The following NRG1 variants were observed in gnomAD, a reference collection of about 807,000 sequenced individuals.
The protein encoded by NRG1 is neuregulin 1, also known as pro-neuregulin-1, membrane-bound isoform.
In NRG1, 18 loss-of-function variants were observed where a neutral mutation model predicts 63.8. The ratio of observed to expected loss-of-function variants is 0.28; its 90% CI spans 0.19 to 0.42. The LOEUF (loss-of-function observed/expected upper bound fraction) is 0.42, where lower values mean the gene tolerates loss of function less well. Ranked by LOEUF, NRG1 falls within the 10% of genes least tolerant of loss-of-function variation. NRG1 has a pLI of 1.00. For synonymous variants in NRG1, 302 were observed against 301.3 expected (o/e 1.00, Z -0.02); for missense variants, 762 against 814.7 (o/e 0.94, Z 0.79).
chr8:31,934,360 T>C (rs1477431179), intron 1 of NRG1, among the ~76,000 whole-genome samples: 4 of 151,332 alleles, frequency 2.6e-5, no homozygotes, highest in Non-Finnish European at 5.9e-5. Flanking sequence ...TGTGTGTATA[T>C]ATACATATAT....
At chr8:32,402,613 G>T (rs1377753154) in intron 1 of NRG1, among the ~76,000 whole-genome samples, 1 of 152,138 alleles carries the variant, frequency 6.6e-6, no homozygotes, top group East Asian at 1.9e-4. Context: ...GACCATGGCA[G>T]TATGGGGGTG....
At chr8:32,144,052 G>A (rs553962846) in intron 1 of NRG1, among the ~76,000 whole-genome samples, 40 of 152,346 alleles carry the variant, frequency 2.6e-4, no homozygotes, top group African/African-American at 9.4e-4. Flanking sequence ...AGAATGATGA[G>A]TCCAGTTGGA....
chr8:32,090,431 C>A (rs1828947414), intron 1 of NRG1, among the ~76,000 whole-genome samples: 1 of 152,120 alleles, frequency 6.6e-6, no homozygotes, highest in African/African-American at 2.4e-5. Flanking sequence ...AGTGATTCTC[C>A]TGCCTCAGCC....
intron 1 of NRG1, among the ~76,000 whole-genome samples, chr8:31,959,860 T>C (rs1805155802): frequency 6.6e-6 from 1 of 150,900 alleles, no homozygotes; most frequent in African/African-American, 2.4e-5. Flanking sequence ...AGTCTCACTA[T>C]GCTGCCCAGG....
intron 11 of NRG1, among the ~76,000 whole-genome samples, chr8:32,762,687 A>G (rs1251297422): frequency 6.6e-6 from 1 of 152,194 alleles, no homozygotes; most frequent in Non-Finnish European, 1.5e-5. Context: ...GTCACGTCAA[A>G]TTAGACTCTG....
At position 32,364,957 on chromosome 8, in the gene NRG1, C is replaced by CTTTTTT. The variant is rs372216683; in HGVS notation, c.38-230857_38-230852dup. On this transcript the variant is annotated intron_variant, in intron 1 of 10. Coordinates refer to the NRG1 transcript ENST00000519301. ...TGAATAAAATGTACTCCCTTTACTA[C>CTTTTTT]TTTTTTTTTTTTTTTTTTTGAGACA... is the stretch of plus-strand genomic sequence containing the variant. 6.5e-5 allele frequency among the ~76,000 whole-genome samples: 7 copies of CTTTTTT among 108,440 alleles called. 1 individual carries two copies. The highest frequency in any genetic ancestry group is 1.1e-4 in the Non-Finnish European group (6 of 55,922). The allele number at this position is 108,440 out of a possible 152,430, so 71.1% of individuals were successfully genotyped here.
intron 1 of NRG1, among the ~76,000 whole-genome samples, chr8:32,285,707 G>A (rs940422038): frequency 6.6e-6 from 1 of 152,228 alleles, no homozygotes; most frequent in South Asian, 2.1e-4. Flanking sequence ...ATGAGGTTCC[G>A]TATGCCTCAC....
intron 11 of NRG1, 37 bp from the exon 12 acceptor site, chr8:32,763,711 G>A (rs771039413): frequency 5.9e-6 from 9 of 1,514,682 alleles, no homozygotes; most frequent in South Asian, 4.0e-5. Context: ...GCCTCTTATT[G>A]CACCACACTT....
intron 1 of NRG1, among the ~76,000 whole-genome samples, chr8:32,454,891 A>C (rs1821412464): frequency 6.6e-6 from 1 of 152,090 alleles, no homozygotes; most frequent in African/African-American, 2.4e-5. Context: ...ACACATGTAT[A>C]ACATTTTTTT....
chr8:32,242,981 C>A (rs1330894883), intron 1 of NRG1, among the ~76,000 whole-genome samples: 1 of 152,130 alleles, frequency 6.6e-6, no homozygotes, highest in Non-Finnish European at 1.5e-5. Flanking sequence ...GTGTTGGCAG[C>A]TTTGGTTCCT....
Position 31,853,157 on chromosome 8 carries a change from G to C in NRG1, c.37+213726G>C, listed in dbSNP as rs191615953. On this transcript the variant is annotated intron_variant, in intron 1 of 10. Coordinates refer to the NRG1 transcript ENST00000519301. ...TTTCAATTCTGTGAAGAAAGTCATT[G>C]ATAGCTTGATGGGGATGTCATTGAA... Among the ~76,000 whole-genome samples, 800 of 152,224 alleles carry C rather than the reference G, an allele frequency of 5.3e-3. 14 individuals carry two copies. The highest frequency in any genetic ancestry group is 0.019 in the African/African-American group (776 of 41,512).
At chr8:32,302,967 A>G (rs937096643) in intron 1 of NRG1, among the ~76,000 whole-genome samples, 1 of 152,136 alleles carries the variant, frequency 6.6e-6, no homozygotes, top group South Asian at 2.1e-4. Flanking sequence ...GGATCACCTG[A>G]GGTCAGGAGT....
At chr8:32,678,616 C>T (rs577601114) in intron 5 of NRG1, among the ~76,000 whole-genome samples, 2 of 152,266 alleles carry the variant, frequency 1.3e-5, no homozygotes, top group African/African-American at 4.8e-5. Context: ...TTGAAATAAG[C>T]TCCTGTCTCG....
intron 1 of NRG1, among the ~76,000 whole-genome samples, chr8:32,188,143 T>G (rs1022618525): frequency 1.3e-5 from 2 of 152,078 alleles, no homozygotes; most frequent in Non-Finnish European, 2.9e-5. Context: ...CTTGGCTCAC[T>G]GTAACCTCCA....
chr8:31,716,489 G>A (rs1812362582), intron 1 of NRG1, among the ~76,000 whole-genome samples: 1 of 152,198 alleles, frequency 6.6e-6, no homozygotes, highest in Admixed American at 6.5e-5. Flanking sequence ...AAGGATCTCA[G>A]AGTTGGTTTG....
chr8:32,176,702 A>G (rs1190812411), intron 1 of NRG1, among the ~76,000 whole-genome samples: 2 of 152,248 alleles, frequency 1.3e-5, no homozygotes, highest in South Asian at 2.1e-4. Context: ...GAAGACATTT[A>G]TGCAACCAAA....
At chr8:32,570,628 G>T (rs920650113) in intron 1 of NRG1, among the ~76,000 whole-genome samples, 2 of 152,072 alleles carry the variant, frequency 1.3e-5, no homozygotes, top group African/African-American at 4.8e-5. Flanking sequence ...ATAAAAATCA[G>T]AATATTTTCA....
intron 1 of NRG1, among the ~76,000 whole-genome samples, chr8:32,239,320 CAA>C (rs561093846): frequency 2.3e-5 from 3 of 131,846 alleles, no homozygotes; most frequent in Admixed American, 7.6e-5. Flanking sequence ...TATCCAAAGG[CAA>C]AAAAAAAAAG....
At chr8:32,075,356 T>C (rs1826338820) in intron 1 of NRG1, among the ~76,000 whole-genome samples, 1 of 152,182 alleles carries the variant, frequency 6.6e-6, no homozygotes, top group Non-Finnish European at 1.5e-5. Context: ...GGTTATTCTA[T>C]TTATAACATT....
Sources: allele counts gnomAD v4.1 joint callset (sites outside exome capture counted in the v4.1 genomes callset), GRCh38; gene constraint gnomAD v4.1.1; transcripts MANE v1.5; gene names NCBI Gene and HGNC (gene_info 2026-07-23, HGNC 2026-07-21).